Variants in IMPG1 observed in about 807,000 individuals in gnomAD.
IMPG1 encodes interphotoreceptor matrix proteoglycan of 150 kDa.
IMPG1 carries 85 observed loss-of-function variants against 92.0 expected under a neutral mutation model. The observed-to-expected ratio is 0.92, with a 90% CI of 0.78 to 1.11. The LOEUF (loss-of-function observed/expected upper bound fraction) is 1.11, where lower values mean the gene tolerates loss of function less well. IMPG1 is among the 50% of genes least tolerant of loss of function. IMPG1 has a pLI of 0.00. For synonymous variants in IMPG1, 367 were observed against 334.1 expected, an observed-to-expected ratio of 1.10 and a Z score of -1.08; for missense variants, 1,022 against 956.0, an observed-to-expected ratio of 1.07 and a Z score of -0.91.
intron 1 of IMPG1, among the ~76,000 whole-genome samples, chr6:76,071,646 T>G (rs577438158): frequency 6.6e-6 from 1 of 152,072 alleles, no homozygotes; most frequent in Non-Finnish European, 1.5e-5. Flanking sequence ...AAAATGTTTA[T>G]CATCATGAAG....
intron 12 of IMPG1, among the ~76,000 whole-genome samples, chr6:75,974,460 T>TTTC (rs1782500505): frequency 6.9e-5 from 8 of 115,344 alleles, no homozygotes; most frequent in East Asian, 3.2e-4. Flanking sequence ...TTCTTTCTTC[T>TTTC]TTCTTTCTTT....
chr6:75,956,686 G>T (rs1372547069), intron 12 of IMPG1, among the ~76,000 whole-genome samples: 2 of 151,996 alleles, frequency 1.3e-5, no homozygotes, highest in Non-Finnish European at 2.9e-5. Flanking sequence ...TGTGATGTTA[G>T]GGTGTCAATT....
intron 1 of IMPG1, among the ~76,000 whole-genome samples, chr6:76,062,827 A>T (rs888736881): frequency 8.0e-5 from 12 of 150,624 alleles, no homozygotes; most frequent in African/African-American, 2.7e-4. Flanking sequence ...CTTATGAAAT[A>T]AAAAGCCCTA....
At chr6:76,027,184 T>G (rs1287232445) in intron 4 of IMPG1, among the ~76,000 whole-genome samples, 1 of 152,194 alleles carries the variant, frequency 6.6e-6, no homozygotes, top group Admixed American at 6.5e-5. Flanking sequence ...AAGGTGTCAT[T>G]AAAATGTAAA....
At position 75,953,937 on chromosome 6, in the gene IMPG1, T is replaced by C. The variant is rs149469499; in HGVS notation, c.1292-2843A>G. ...TTCATCCATGACCCTGCAAAGGACA[T>C]GAACTCATCCTTTGTTATGGCTGCA... On this transcript the variant is annotated intron_variant, in intron 12 of 16. Coordinates refer to ENST00000369950, the MANE Select transcript of IMPG1 (RefSeq NM_001563.4). 2.6e-3 allele frequency among the ~76,000 whole-genome samples: 394 copies of C among 152,324 alleles called. 4 individuals carry two copies. The highest frequency in any genetic ancestry group is 9.0e-3 in the African/African-American group (376 of 41,572).
chr6:75,939,225 T>C (rs895342091), intron 14 of IMPG1, among the ~76,000 whole-genome samples: 7 of 152,250 alleles, frequency 4.6e-5, no homozygotes, highest in South Asian at 4.2e-4. Context: ...ATACTTTAAG[T>C]TTTAGGGTAC....
chr6:75,938,749 A>G (rs1279125292), intron 14 of IMPG1, among the ~76,000 whole-genome samples: 4 of 152,054 alleles, frequency 2.6e-5, no homozygotes, highest in Non-Finnish European at 5.9e-5. Context: ...GGAGGCGGAG[A>G]TTGCAGTGAG....
Position 75,921,272 on chromosome 6 carries a change from A to G in IMPG1, c.*817T>C, listed in dbSNP as rs909691352. The G allele has an allele frequency of 2.6e-5, 4 of 152,216 alleles. No individual in the cohort carries two copies. The highest frequency in any genetic ancestry group is 2.0e-4 in the Admixed American group (3 of 15,284). The allele number at this position is 152,216 out of a possible 1,614,324, so 9.4% of individuals were successfully genotyped here. A position where few individuals can be genotyped will look rare whatever the true frequency, so the allele number is the denominator to read the frequency against. On this transcript the variant is annotated 3_prime_UTR_variant, in exon 17 of 17. Coordinates refer to ENST00000369950, the MANE Select transcript of IMPG1 (RefSeq NM_001563.4). Reference sequence around the variant, plus strand: ...TTGATGCCAGTCTAGGTATACACACACTAAAGTTGGTGTGAGGAAATATTC... The same window carrying G: ...TTGATGCCAGTCTAGGTATACACACGCTAAAGTTGGTGTGAGGAAATATTC...
At chr6:76,017,675 A>T (rs748219791) in intron 7 of IMPG1, among the ~76,000 whole-genome samples, 56 of 152,328 alleles carry the variant, frequency 3.7e-4, no homozygotes, top group Non-Finnish European at 7.5e-4. Flanking sequence ...TCATCTAGGC[A>T]TAGAGCAGCT....
chr6:76,052,086 G>A (rs896751278), intron 1 of IMPG1, among the ~76,000 whole-genome samples: 1 of 152,178 alleles, frequency 6.6e-6, no homozygotes, highest in African/African-American at 2.4e-5. Context: ...TAGTGAGTGG[G>A]TAGGAACAGA....
intron 12 of IMPG1, among the ~76,000 whole-genome samples, chr6:76,002,237 C>G (rs1207462332): frequency 6.6e-6 from 1 of 152,064 alleles, no homozygotes; most frequent in Non-Finnish European, 1.5e-5. Context: ...ATTTTTTGCA[C>G]TAAAAAAGGC....
rs1310373201 is a variant in IMPG1, at chr6:75,974,384, TTTC to T, written c.1292-23293_1292-23291del. The stretch of plus-strand genomic sequence containing the variant: ...CTTTCTTTCTTTCTTTCTTTCTTTC[TTTC>T]TTTCTTTTCTTTCTTTCCTTCCTTC... On this transcript the variant is annotated intron_variant, in intron 12 of 16. Coordinates refer to ENST00000369950, the MANE Select transcript of IMPG1 (RefSeq NM_001563.4). 6.5e-3 allele frequency among the ~76,000 whole-genome samples: 413 copies of T among 63,802 alleles called. 7 individuals carry two copies. The highest frequency in any genetic ancestry group is 0.02 in the African/African-American group (371 of 18,634). The allele number at this position is 63,802 out of a possible 152,430, so 41.9% of individuals were successfully genotyped here. A position where few individuals can be genotyped will look rare whatever the true frequency, so the allele number is the denominator to read the frequency against.
At chr6:76,004,879 T>C (rs1349325341) in intron 10 of IMPG1, among the ~76,000 whole-genome samples, 1 of 152,184 alleles carries the variant, frequency 6.6e-6, no homozygotes, top group Non-Finnish European at 1.5e-5. Flanking sequence ...TTACAAATGG[T>C]CCCTTTATTA....
rs539911139 is a variant in IMPG1, at chr6:76,041,967, G to A, written c.227C>T (p.Thr76Met). Residue 76 changes from threonine (T) to methionine (M), a missense_variant, in exon 2 of 17, where the codon ACG becomes ATG. Around this residue, in one of 3 missense-constraint regions of IMPG1, gnomAD observed 681 missense variants for 583.6 expected, o/e 1.17. Coordinates refer to ENST00000369950, the MANE Select transcript of IMPG1 (RefSeq NM_001563.4). ...TTCCTGTGGACAGACTTTAACCCCC[G>A]TTGGGAAAAATGCGGATCTTTTTGT... Reference protein sequence around the residue: ...HRTKRSAFFPTGVKVCPQESM... With the variant: ...HRTKRSAFFPMGVKVCPQESM... 4.4e-5 allele frequency: 71 copies of A among 1,613,902 alleles called. No individual in the cohort carries two copies. The highest frequency in any genetic ancestry group is 1.3e-4 in the East Asian group (6 of 44,838).
rs116894959 is a variant in IMPG1 at position 75,979,892 on chromosome 6, A to G, written c.1291+23026T>C. On this transcript the variant is annotated intron_variant, in intron 12 of 16. Transcript: ENST00000369950. ...TAAACCACAGGCCTTTGTGAGGCTAATGCTGAAATTAATAAGGCAAATGGA... is the reference window on the plus strand; with the variant it reads ...TAAACCACAGGCCTTTGTGAGGCTAGTGCTGAAATTAATAAGGCAAATGGA... Among the ~76,000 whole-genome samples, 188 of 152,360 alleles carry G rather than the reference A, an allele frequency of 1.2e-3. 2 individuals carry two copies. In the East Asian group the frequency reaches 0.034, roughly 27 times the overall value.
intron 6 of IMPG1, among the ~76,000 whole-genome samples, chr6:76,021,778 C>CATATATAT (rs140827081): frequency 0.017 from 847 of 49,484 alleles, 43 homozygotes; most frequent in African/African-American, 0.05. Context: ...ACTTGGAGAG[C>CATATATAT]ATATATATAT....
intron 12 of IMPG1, among the ~76,000 whole-genome samples, chr6:75,982,584 TAG>T (rs1782646240): frequency 1.3e-5 from 2 of 150,444 alleles, no homozygotes; most frequent in East Asian, 3.9e-4. Flanking sequence ...TAGATATATA[TAG>T]ATATATATAT....
chr6:75,939,067 G>A (rs1173010968), intron 14 of IMPG1, among the ~76,000 whole-genome samples: 4 of 152,086 alleles, frequency 2.6e-5, no homozygotes, highest in African/African-American at 9.7e-5. Context: ...TTGAACCCCT[G>A]GGCTCAAGCA....
intron 12 of IMPG1, among the ~76,000 whole-genome samples, chr6:75,974,375 CTTT>C (rs1562354596): frequency 0.025 from 2,019 of 82,044 alleles, 22 homozygotes; most frequent in Middle Eastern, 0.044. Flanking sequence ...TTCTTTCTTT[CTTT>C]CTTTCTTTCT....
Sources: gnomAD v4.1 joint callset for allele counts (sites outside exome capture counted in the v4.1 genomes callset) on GRCh38, gnomAD v4.1.1 for gene constraint, gnomAD v4.1.1 regional missense constraint, MANE v1.5 for transcripts, NCBI Gene and HGNC (gene_info 2026-07-23, HGNC 2026-07-21) for gene names.